The following ST8SIA6 variants were observed in gnomAD, a reference collection of about 807,000 sequenced individuals.
ST8SIA6 encodes the protein alpha-2,8-sialyltransferase 8F.
In ST8SIA6, 39 loss-of-function variants were observed where a neutral mutation model predicts 33.6. The ratio of observed to expected loss-of-function variants is 1.16; its 90% CI spans 0.90 to 1.52. ST8SIA6 has a LOEUF of 1.52. Among genes scored for constraint, ST8SIA6 ranks in the 40% most tolerant of loss-of-function variants. The probability of loss-of-function intolerance (pLI) is 0.00; values close to 1 mark genes in which losing one functional copy is unlikely to be tolerated. For missense variants in ST8SIA6, 441 were observed against 443.8 expected (o/e 0.99, Z 0.06); for synonymous variants, 172 against 167.2 (o/e 1.03, Z -0.22).
chr10:17,454,134 G>T lies in ST8SIA6; in HGVS notation c.101+21C>A. On this transcript the variant is annotated intron_variant, in intron 1 of 7. Coordinates refer to ENST00000377602, the MANE Select transcript of ST8SIA6 (RefSeq NM_001004470.3). This position sits in a 1 kb window ranked among gnomAD's most constrained non-coding sequence, Gnocchi z 4.1. Reference sequence around the variant, plus strand: ...GGCGGGGCGCGCGGCGCGGGGCGCGGCCGGCGGGTGGGTGGGTTACCTGGC... The same window carrying T: ...GGCGGGGCGCGCGGCGCGGGGCGCGTCCGGCGGGTGGGTGGGTTACCTGGC... 1 of 267,654 alleles carries T rather than the reference G, an allele frequency of 3.7e-6. No homozygotes were observed. Among genetic ancestry groups the T allele is most frequent in the South Asian group, 1.5e-4 (1 of 6,742 alleles). The allele number at this position is 267,654 out of a possible 1,614,324, so 16.6% of individuals were successfully genotyped here.
intron 2 of ST8SIA6, among the ~76,000 whole-genome samples, chr10:17,435,294 A>G (rs1852216841): frequency 6.6e-6 from 1 of 152,068 alleles, no homozygotes; most frequent in South Asian, 2.1e-4. Context: ...TCCTTCTTCC[A>G]AGTCCCCTAA....
chr10:17,412,538 G>C (rs1851485349), intron 2 of ST8SIA6, among the ~76,000 whole-genome samples: 1 of 152,150 alleles, frequency 6.6e-6, no homozygotes, highest in South Asian at 2.1e-4. Flanking sequence ...AGCTCCACTT[G>C]GCTGCCCTCT....
intron 5 of ST8SIA6, 28 bp downstream of exon 5, chr10:17,331,380 A>C (rs773311098): frequency 6.3e-7 from 1 of 1,589,410 alleles, no homozygotes; most frequent in Non-Finnish European, 8.5e-7. Context: ...ATGGTAACAC[A>C]AATAACCCAC....
Position 17,321,187 on chromosome 10 carries a change from A to C in ST8SIA6, c.888T>G (p.Val296=), listed in dbSNP as rs371676446. 6 of 1,613,988 alleles carry C rather than the reference A, an allele frequency of 3.7e-6. No individual in the cohort carries two copies. Among genetic ancestry groups the C allele is most frequent in the Non-Finnish European group, 5.1e-6 (6 of 1,179,994 alleles). Residue 296 remains valine (V), a synonymous_variant, in exon 8 of 8, where the codon GTT becomes GTG. Coordinates refer to ENST00000377602, the MANE Select transcript of ST8SIA6 (RefSeq NM_001004470.3). ...TCAGGTACTTGGGATGGAAAAATAG[A>C]ACCTTTTGTCTTGCTTTAGACTCTT... is the stretch of plus-strand genomic sequence containing the variant. ...TLEESKARQK[V]LFFHPKYLKD...
chr10:17,435,616 C>T lies in ST8SIA6; in HGVS notation c.200+17943G>A, dbSNP rs114760670. On this transcript the variant is annotated intron_variant, in intron 2 of 7. Transcript: ENST00000377602. ...GGTTCTATTCAGCTTGACACAAAGC[C>T]CCATAGATCACAGGGACTCCCATTT... Among the ~76,000 whole-genome samples the T allele has an allele frequency of 1.2e-3, 186 of 151,044 alleles. 1 individual carries two copies. Among genetic ancestry groups the T allele is most frequent in the African/African-American group, 4.3e-3 (175 of 41,132 alleles).
At chr10:17,400,138 A>G (rs1219813469) in intron 2 of ST8SIA6, among the ~76,000 whole-genome samples, 4 of 152,080 alleles carry the variant, frequency 2.6e-5, no homozygotes, top group Admixed American at 2.6e-4. Flanking sequence ...GCAGGACATA[A>G]TTTGCATATT....
intron 2 of ST8SIA6, chr10:17,409,630 A>G (rs1336707700): frequency 1.3e-5 from 2 of 152,272 alleles, no homozygotes; most frequent in Non-Finnish European, 2.9e-5. Flanking sequence ...GTACCAGTGC[A>G]CTTTGGGAGG....
At position 17,347,941 on chromosome 10, in the gene ST8SIA6, G is replaced by A. The variant is rs544473321; in HGVS notation, c.377+11573C>T. Among the ~76,000 whole-genome samples the A allele has an allele frequency of 6.3e-5, 7 of 110,310 alleles. No homozygotes were observed. The East Asian group carries it at 2.0e-3, about 31-fold the overall frequency. 72.4% of individuals were successfully genotyped at this position (110,310 alleles called of 152,430 possible). A position where few individuals can be genotyped will look rare whatever the true frequency, so the allele number is the denominator to read the frequency against. On this transcript the variant is annotated intron_variant, in intron 4 of 7. Coordinates refer to ENST00000377602, the MANE Select transcript of ST8SIA6 (RefSeq NM_001004470.3). ...ACTGCATTCCAGCCTAGGCGATGGT[G>A]AGACTCTGTCTCAAAAAAAAAAAAA...
intron 2 of ST8SIA6, among the ~76,000 whole-genome samples, chr10:17,418,813 C>T (rs375354580): frequency 5.3e-5 from 8 of 151,160 alleles, no homozygotes; most frequent in South Asian, 2.1e-4. Flanking sequence ...GCCAACATGG[C>T]GAAACCCCGT....
intron 2 of ST8SIA6, among the ~76,000 whole-genome samples, chr10:17,402,830 CA>C (rs1210442833): frequency 1.3e-5 from 2 of 152,066 alleles, no homozygotes; most frequent in Non-Finnish European, 2.9e-5. Context: ...ATGTAAATGA[CA>C]AATTAATGGG....
At chr10:17,324,501 A>G (rs895439949) in intron 6 of ST8SIA6, among the ~76,000 whole-genome samples, 2 of 151,974 alleles carry the variant, frequency 1.3e-5, no homozygotes, top group Admixed American at 6.6e-5. Flanking sequence ...ACAGTCTCAT[A>G]TTCTTCTGAA....
At chr10:17,335,791 G>A (rs1353766222) in intron 4 of ST8SIA6, among the ~76,000 whole-genome samples, 6 of 152,002 alleles carry the variant, frequency 3.9e-5, no homozygotes, top group Admixed American at 3.9e-4. Flanking sequence ...AATTTTTAGT[G>A]GCTCTTTTAT....
intron 3 of ST8SIA6, among the ~76,000 whole-genome samples, chr10:17,368,407 CAAAAAAAAAAAA>C (rs200826980): frequency 4.2e-5 from 3 of 72,198 alleles, no homozygotes; most frequent in African/African-American, 4.7e-5. Context: ...AGCTCTGTCT[CAAAAAAAAAAAA>C]AAAAAAAAAA....
At chr10:17,321,474 TAA>T in intron 7 of ST8SIA6, 128 bp from the exon 8 acceptor site, 1 of 729,970 alleles carries the variant, frequency 1.4e-6, no homozygotes, top group Non-Finnish European at 2.2e-6. Flanking sequence ...ATAAAACAGA[TAA>T]AGTGTGGACT....
chr10:17,337,021 G>T (rs1031815974), intron 4 of ST8SIA6, among the ~76,000 whole-genome samples: 1 of 152,110 alleles, frequency 6.6e-6, no homozygotes, highest in Non-Finnish European at 1.5e-5. Context: ...TTGTAATCCC[G>T]TGTTGGAGGA....
chr10:17,369,502 C>T (rs1484400914), intron 3 of ST8SIA6, among the ~76,000 whole-genome samples: 1 of 152,038 alleles, frequency 6.6e-6, no homozygotes, highest in Admixed American at 6.5e-5. Context: ...CATGGTATAT[C>T]CCGGAGAATG....
chr10:17,323,229 G>GCGCACGCA lies in ST8SIA6; in HGVS notation c.636-73_636-72insTGCGTGCG, dbSNP rs112083592. 8.9e-3 allele frequency: 7,079 copies of GCGCACGCA among 794,246 alleles called. 407 individuals carry two copies. The African/African-American group carries it at 0.1, about 12-fold the overall frequency. The allele number at this position is 794,246 out of a possible 1,614,324, so 49.2% of individuals were successfully genotyped here. ...AAAGATTGTATACACACATATGCGC[G>GCGCACGCA]CACACACACACACACACACACCTAT... On this transcript the variant is annotated intron_variant, in intron 6 of 7. Coordinates refer to ENST00000377602, the MANE Select transcript of ST8SIA6 (RefSeq NM_001004470.3).
chr10:17,407,291 C>T (rs1326637537), intron 2 of ST8SIA6, among the ~76,000 whole-genome samples: 2 of 152,206 alleles, frequency 1.3e-5, no homozygotes, highest in African/African-American at 4.8e-5. Context: ...GGGGCGGCCC[C>T]TGTCCAGTTC....
At chr10:17,420,380 C>T (rs1236046229) in intron 2 of ST8SIA6, among the ~76,000 whole-genome samples, 1 of 152,038 alleles carries the variant, frequency 6.6e-6, no homozygotes, top group African/African-American at 2.4e-5. Context: ...CCACTGCACT[C>T]CAGCCTGGGC....
Sources: gnomAD v4.1 joint callset for allele counts (sites outside exome capture counted in the v4.1 genomes callset) on GRCh38, gnomAD v4.1.1 for gene constraint, Gnocchi (gnomAD v3.1) non-coding constraint, MANE v1.5 for transcripts, NCBI Gene and HGNC (gene_info 2026-07-23, HGNC 2026-07-21) for gene names.